MBD5: variants seen among roughly 807,000 people sequenced by gnomAD.
The protein encoded by MBD5 is methyl-CpG-binding domain protein 5.
A neutral mutation model predicts 117.3 loss-of-function variants in MBD5; 13 were observed. That is an observed-to-expected ratio of 0.11 (90% CI 0.07 to 0.18). The LOEUF (loss-of-function observed/expected upper bound fraction) is 0.18. Ranked by LOEUF, MBD5 falls within the 10% of genes least tolerant of loss-of-function variation. MBD5 has a pLI of 1.00. For synonymous variants in MBD5, 727 were observed against 766.4 expected, an observed-to-expected ratio of 0.95 and a Z score of 0.85; for missense variants, 1,879 against 2,093.8, an observed-to-expected ratio of 0.90 and a Z score of 2.00.
chr2:148,114,993 C>A (rs1574029627), intron 1 of MBD5, among the ~76,000 whole-genome samples: 1 of 151,934 alleles, frequency 6.6e-6, no homozygotes, highest in Non-Finnish European at 1.5e-5. Flanking sequence ...TATGTATATG[C>A]ATATGTATAA....
intron 3 of MBD5, among the ~76,000 whole-genome samples, chr2:148,313,025 G>T (rs765576774): frequency 5.9e-5 from 9 of 152,156 alleles, no homozygotes; most frequent in Non-Finnish European, 1.3e-4. Flanking sequence ...CCTCTGGAAG[G>T]TTCGTCCCAG....
intron 1 of MBD5, among the ~76,000 whole-genome samples, chr2:148,031,872 CAATT>C (rs1694049191): frequency 6.6e-6 from 1 of 152,056 alleles, no homozygotes; most frequent in South Asian, 2.1e-4. Flanking sequence ...AAATAGTACA[CAATT>C]AAAACTATAA....
At chr2:148,342,479 G>A (rs1288070345) in intron 4 of MBD5, 143 bp downstream of exon 4, 1 of 151,748 alleles carries the variant, frequency 6.6e-6, no homozygotes, top group Non-Finnish European at 1.5e-5. Flanking sequence ...GCTTAAACAC[G>A]TTGCCTCTAA....
intron 4 of MBD5, among the ~76,000 whole-genome samples, chr2:148,377,850 A>AGT (rs1704034584): frequency 6.6e-6 from 1 of 152,238 alleles, no homozygotes; most frequent in South Asian, 2.1e-4. Flanking sequence ...AGAGAAGGAT[A>AGT]GTAGTTCATA....
intron 8 of MBD5, among the ~76,000 whole-genome samples, chr2:148,479,658 C>A (rs1448829621): frequency 6.6e-6 from 1 of 150,978 alleles, no homozygotes; most frequent in Non-Finnish European, 1.5e-5. Flanking sequence ...AGTCATATTT[C>A]TTTGTTTTGG....
intron 1 of MBD5, chr2:148,054,480 C>G (rs1694804466): frequency 6.6e-6 from 1 of 152,160 alleles, no homozygotes; most frequent in African/African-American, 2.4e-5. Context: ...TGCTCTAGAA[C>G]AATACTTTCT....
At chr2:148,049,774 A>G (rs1694643390) in intron 1 of MBD5, among the ~76,000 whole-genome samples, 1 of 152,036 alleles carries the variant, frequency 6.6e-6, no homozygotes, top group South Asian at 2.1e-4. Context: ...AACTATATAG[A>G]TTTGCTTATT....
rs143678552 is a variant in MBD5 at position 148,096,592 on chromosome 2, G to C, written c.-925+74908G>C. Among the ~76,000 whole-genome samples the C allele has an allele frequency of 2.2e-3, 338 of 152,252 alleles. 3 individuals carry two copies. The highest frequency in any genetic ancestry group is 9.7e-3 in the East Asian group (50 of 5,180). Reference sequence around the variant, plus strand: ...AAGCCATTGTGCTTTCCTTGGCTCTGATTGTTCTGCGAATTAAAACCTCAG... The same window carrying C: ...AAGCCATTGTGCTTTCCTTGGCTCTCATTGTTCTGCGAATTAAAACCTCAG... On this transcript the variant is annotated intron_variant, in intron 1 of 13. Coordinates refer to ENST00000642680, the MANE Select transcript of MBD5 (RefSeq NM_001378120.1).
intron 1 of MBD5, among the ~76,000 whole-genome samples, chr2:148,097,028 C>G (rs1696085555): frequency 6.6e-6 from 1 of 151,676 alleles, no homozygotes; most frequent in Non-Finnish European, 1.5e-5. Context: ...ACCTAAATGT[C>G]CAAGAATAGG....
Position 148,223,590 on chromosome 2 carries a change from G to A in MBD5, c.-830-9655G>A, listed in dbSNP as rs577306919. Among the ~76,000 whole-genome samples, 99 of 152,112 alleles carry A rather than the reference G, an allele frequency of 6.5e-4. 1 individual carries two copies. In the South Asian group the frequency reaches 8.3e-3, roughly 13 times the overall value. On this transcript the variant is annotated intron_variant, in intron 2 of 13. Coordinates refer to ENST00000642680, the MANE Select transcript of MBD5 (RefSeq NM_001378120.1). ...ATTAATGATCATTTGAATTTCTGTC[G>A]TATCATTTGTAATGTCTCCATCTTC... is the stretch of plus-strand genomic sequence containing the variant.
intron 2 of MBD5, among the ~76,000 whole-genome samples, chr2:148,194,482 C>T (rs1306170548): frequency 5.9e-5 from 2 of 33,922 alleles, no homozygotes; most frequent in Non-Finnish European, 8.2e-5. Flanking sequence ...AAACTGGAAA[C>T]CATCATTCTC....
chr2:148,170,041 G>A (rs779574476), intron 1 of MBD5, among the ~76,000 whole-genome samples: 45 of 152,032 alleles, frequency 3.0e-4, no homozygotes, highest in Non-Finnish European at 4.1e-4. Context: ...GGGACTACAG[G>A]CGCCCACCAA....
intron 1 of MBD5, among the ~76,000 whole-genome samples, chr2:148,073,773 G>A (rs1013762867): frequency 6.6e-6 from 1 of 152,068 alleles, no homozygotes; most frequent in African/African-American, 2.4e-5. Context: ...ATCACCCAAG[G>A]TCACACAGCT....
intron 2 of MBD5, among the ~76,000 whole-genome samples, chr2:148,184,437 A>G (rs1698604445): frequency 6.6e-6 from 1 of 152,172 alleles, no homozygotes; most frequent in South Asian, 2.1e-4. Flanking sequence ...CTTTGGATTC[A>G]TTAATTTACT....
At chr2:148,408,828 C>CTT (rs60467047) in intron 4 of MBD5, among the ~76,000 whole-genome samples, 1 of 151,026 alleles carries the variant, frequency 6.6e-6, no homozygotes, top group African/African-American at 2.4e-5. Context: ...TATGTACAGG[C>CTT]TTTTTTTTTC....
chr2:148,278,081 T>G (rs1456232811), intron 3 of MBD5, among the ~76,000 whole-genome samples: 2 of 152,192 alleles, frequency 1.3e-5, no homozygotes, highest in Non-Finnish European at 2.9e-5. Context: ...CAACCAATGA[T>G]TTGTTTTCTG....
At chr2:148,153,339 G>GA (rs1439437164) in intron 1 of MBD5, among the ~76,000 whole-genome samples, 1 of 152,062 alleles carries the variant, frequency 6.6e-6, no homozygotes, top group African/African-American at 2.4e-5. Context: ...CCCTTTGAGG[G>GA]AAAACTGACC....
chr2:148,407,082 A>C (rs892827029), intron 4 of MBD5, among the ~76,000 whole-genome samples: 2 of 152,218 alleles, frequency 1.3e-5, no homozygotes, highest in African/African-American at 4.8e-5. Context: ...TCTGATACAT[A>C]AAGTCCAGTA....
At chr2:148,195,678 T>C (rs1698965849) in intron 2 of MBD5, among the ~76,000 whole-genome samples, 1 of 152,146 alleles carries the variant, frequency 6.6e-6, no homozygotes, top group Non-Finnish European at 1.5e-5. Context: ...TTTTTAAAGA[T>C]TGAAGTCATC....
Sources: allele counts gnomAD v4.1 joint callset (sites outside exome capture counted in the v4.1 genomes callset), GRCh38; gene constraint gnomAD v4.1.1; transcripts MANE v1.5; gene names NCBI Gene and HGNC (gene_info 2026-07-23, HGNC 2026-07-21).